Variants in NEGR1 observed in about 807,000 individuals in gnomAD.
NEGR1 encodes neuronal growth regulator 1, also known as IgLON family member 4.
A neutral mutation model predicts 40.9 loss-of-function variants in NEGR1; 10 were observed. The observed-to-expected ratio is 0.24, with a 90% CI of 0.15 to 0.42. NEGR1 has a LOEUF of 0.42. NEGR1 is among the 10% of genes least tolerant of loss of function. NEGR1 has a pLI of 1.00. For missense variants in NEGR1, 352 were observed against 438.9 expected (o/e 0.80, Z 1.77); for synonymous variants, 185 against 166.8 (o/e 1.11, Z -0.84).
At chr1:71,520,194 G>C (rs1056855174) in intron 6 of NEGR1, among the ~76,000 whole-genome samples, 6 of 151,982 alleles carry the variant, frequency 3.9e-5, no homozygotes, top group African/African-American at 1.2e-4. Context: ...AATGACCAGT[G>C]GTGGGGTTGT....
At chr1:71,952,518 A>T (rs958913924) in intron 1 of NEGR1, among the ~76,000 whole-genome samples, 4 of 152,020 alleles carry the variant, frequency 2.6e-5, no homozygotes, top group African/African-American at 9.7e-5. Flanking sequence ...TAAGAAAAGA[A>T]GCTGTCTCTA....
intron 1 of NEGR1, among the ~76,000 whole-genome samples, chr1:72,079,968 T>A (rs886597541): frequency 6.6e-6 from 1 of 152,116 alleles, no homozygotes; most frequent in Non-Finnish European, 1.5e-5. Context: ...TGAATAACTC[T>A]CAGTAATTGC....
intron 2 of NEGR1, among the ~76,000 whole-genome samples, chr1:71,821,544 C>A (rs543532198): frequency 6.6e-6 from 1 of 152,040 alleles, no homozygotes; most frequent in African/African-American, 2.4e-5. Context: ...TTGAGTGAAA[C>A]CAGAGTAGAA....
intron 1 of NEGR1, among the ~76,000 whole-genome samples, chr1:72,031,474 A>G (rs1646858288): frequency 2.0e-5 from 3 of 152,142 alleles, no homozygotes. Context: ...CATCATCGTA[A>G]TTATCTTCTT....
intron 2 of NEGR1, among the ~76,000 whole-genome samples, chr1:71,854,573 T>G (rs963307596): frequency 2.0e-5 from 3 of 152,034 alleles, no homozygotes; most frequent in African/African-American, 7.2e-5. Context: ...GAAGAAATAT[T>G]CGTGACTGGG....
intron 6 of NEGR1, among the ~76,000 whole-genome samples, chr1:71,447,361 ACAAATGCC>A (rs1230527154): frequency 3.9e-5 from 6 of 152,264 alleles, no homozygotes; most frequent in African/African-American, 1.4e-4. Context: ...AGAGATCTTT[ACAAATGCC>A]CATTGATATA....
intron 6 of NEGR1, among the ~76,000 whole-genome samples, chr1:71,430,010 C>T (rs1359816066): frequency 6.6e-6 from 1 of 152,166 alleles, no homozygotes; most frequent in Non-Finnish European, 1.5e-5. Flanking sequence ...AGGTAATTAT[C>T]TCCTAGGACA....
intron 6 of NEGR1, among the ~76,000 whole-genome samples, chr1:71,460,204 G>A (rs1646704782): frequency 6.6e-6 from 1 of 152,180 alleles, no homozygotes; most frequent in Non-Finnish European, 1.5e-5. Flanking sequence ...ACTGTGAATT[G>A]ATCAATACCA....
At chr1:71,780,068 A>G (rs969517201) in intron 2 of NEGR1, among the ~76,000 whole-genome samples, 4 of 147,770 alleles carry the variant, frequency 2.7e-5, no homozygotes, top group South Asian at 2.2e-4. Flanking sequence ...AAAAAAAAAA[A>G]AAAGAAAAAA....
At chr1:71,959,728 T>G (rs1392016222) in intron 1 of NEGR1, among the ~76,000 whole-genome samples, 3 of 152,144 alleles carry the variant, frequency 2.0e-5, no homozygotes, top group Admixed American at 1.3e-4. Context: ...TTCTATGTAT[T>G]TTTTCATATC....
intron 1 of NEGR1, among the ~76,000 whole-genome samples, chr1:72,220,404 C>T (rs944770660): frequency 2.0e-5 from 3 of 151,878 alleles, no homozygotes; most frequent in African/African-American, 7.2e-5. Flanking sequence ...CCCTCCCCTC[C>T]CCTCCCTGTC....
intron 2 of NEGR1, among the ~76,000 whole-genome samples, chr1:71,888,203 C>T (rs988385409): frequency 4.0e-5 from 6 of 151,656 alleles, no homozygotes; most frequent in Non-Finnish European, 5.9e-5. Context: ...ATGGAGAAGT[C>T]GGGGGAGGAG....
At chr1:72,278,600 A>T (rs978167463) in intron 1 of NEGR1, among the ~76,000 whole-genome samples, 1 of 152,070 alleles carries the variant, frequency 6.6e-6, no homozygotes, top group African/African-American at 2.4e-5. Flanking sequence ...GAGCAGAGTT[A>T]TATTCCCCTG....
intron 1 of NEGR1, among the ~76,000 whole-genome samples, chr1:72,058,738 T>G (rs964650070): frequency 6.6e-6 from 1 of 151,658 alleles, no homozygotes; most frequent in Non-Finnish European, 1.5e-5. Flanking sequence ...GTGAAAAAAA[T>G]CAATATGCAT....
chr1:72,087,082 A>C (rs1325318932), intron 1 of NEGR1, among the ~76,000 whole-genome samples: 1 of 152,114 alleles, frequency 6.6e-6, no homozygotes, highest in Non-Finnish European at 1.5e-5. Flanking sequence ...AGGATAGATA[A>C]ATTCTAAGGC....
At chr1:71,562,036 T>C (rs1401507771) in intron 6 of NEGR1, among the ~76,000 whole-genome samples, 2 of 151,242 alleles carry the variant, frequency 1.3e-5, no homozygotes, top group African/African-American at 4.9e-5. Flanking sequence ...GTATGTAAGC[T>C]GGAATCAAGT....
At chr1:72,185,045 T>C (rs1165760526) in intron 1 of NEGR1, among the ~76,000 whole-genome samples, 1 of 151,914 alleles carries the variant, frequency 6.6e-6, no homozygotes, top group African/African-American at 2.4e-5. Flanking sequence ...AACAACACTA[T>C]TTTCATGCTG....
chr1:71,407,768 G>T, intron 6 of NEGR1, 198 bp from the exon 7 acceptor site: 1 of 518,960 alleles, frequency 1.9e-6, no homozygotes. Context: ...TTTCTCAAGG[G>T]CAAAATGAAA....
intron 1 of NEGR1, among the ~76,000 whole-genome samples, chr1:71,977,099 G>A (rs1218700363): frequency 2.0e-5 from 3 of 152,164 alleles, no homozygotes; most frequent in Non-Finnish European, 4.4e-5. Flanking sequence ...GAGGCGGGTG[G>A]ACTGTCTGAG....
Sources: allele counts gnomAD v4.1 joint callset (sites outside exome capture counted in the v4.1 genomes callset), GRCh38; gene constraint gnomAD v4.1.1; transcripts MANE v1.5; gene names NCBI Gene and HGNC (gene_info 2026-07-23, HGNC 2026-07-21).